The following ESR1 variants were observed in gnomAD, a reference collection of about 807,000 sequenced individuals.
ESR1 encodes estrogen receptor 1.
A neutral mutation model predicts 52.7 loss-of-function variants in ESR1; 12 were observed. The ratio of observed to expected loss-of-function variants is 0.23; its 90% confidence interval spans 0.15 to 0.37. The LOEUF (loss-of-function observed/expected upper bound fraction) is 0.37. ESR1 is among the 10% of genes least tolerant of loss of function. The pLI is 1.00. For missense variants in ESR1, 584 were observed against 779.7 expected, an observed-to-expected ratio of 0.75 and a Z score of 2.99; for synonymous variants, 305 against 316.8, an observed-to-expected ratio of 0.96 and a Z score of 0.39.
chr6:151,906,646 A>C (rs1797502460), intron 3 of ESR1, among the ~76,000 whole-genome samples: 1 of 150,474 alleles, frequency 6.6e-6, no homozygotes, highest in Non-Finnish European at 1.5e-5. Context: ...TCTTTTACAG[A>C]TATTTATATA....
intron 1 of ESR1, among the ~76,000 whole-genome samples, chr6:151,829,632 T>G (rs1782062533): frequency 6.6e-6 from 1 of 152,204 alleles, no homozygotes; most frequent in African/African-American, 2.4e-5. Flanking sequence ...TTTGCCCTCT[T>G]GGATGCAGTG....
chr6:151,689,530 A>G (rs751053043), upstream of ESR1, among the ~76,000 whole-genome samples: 211 of 152,260 alleles, frequency 1.4e-3, 1 homozygote, highest in Non-Finnish European at 2.2e-3. Context: ...AGTATAGAGA[A>G]GACTGAAGAC....
At chr6:151,899,453 C>T (rs1339003822) in intron 3 of ESR1, among the ~76,000 whole-genome samples, 1 of 142,274 alleles carries the variant, frequency 7.0e-6, no homozygotes, top group Non-Finnish European at 1.5e-5. Context: ...ACCTCCCGGA[C>T]TGGGCAGCTG....
Position 151,671,406 on chromosome 6 carries a change from C to T in ESR1, n.73+14643C>T, listed in dbSNP as rs117004137. Reference sequence around the variant, plus strand: ...CAACGTAGATGAACCTGGAGGACATCGTGCTAAGTGAAAGGAGCCAGGCAC... The same window carrying T: ...CAACGTAGATGAACCTGGAGGACATTGTGCTAAGTGAAAGGAGCCAGGCAC... On this transcript the variant is annotated intron_variant and non_coding_transcript_variant, in intron 1 of 2. Transcript: ENST00000473497. Among the ~76,000 whole-genome samples the T allele has an allele frequency of 2.9e-4, 44 of 152,218 alleles. 2 individuals carry two copies. The East Asian group carries it at 7.2e-3, about 25-fold the overall frequency.
intron 1 of ESR1, among the ~76,000 whole-genome samples, chr6:151,701,550 AAAG>A (rs934367084): frequency 0.017 from 2,516 of 148,380 alleles, 70 homozygotes; most frequent in African/African-American, 0.054. Context: ...AAAAAAAAAA[AAAG>A]AAGAAGAAGA....
intron 1 of ESR1, chr6:151,811,373 GA>G (rs1778811064): frequency 2.6e-5 from 4 of 152,240 alleles, no homozygotes; most frequent in African/African-American, 7.2e-5. Flanking sequence ...AACTAAAGAT[GA>G]AGCTTAACTA....
At chr6:152,089,648 G>A (rs1242271067) in intron 6 of ESR1, among the ~76,000 whole-genome samples, 12 of 151,974 alleles carry the variant, frequency 7.9e-5, no homozygotes, top group Non-Finnish European at 1.0e-4. Context: ...GTGCGATCTC[G>A]GCTCACTGCA....
At chr6:151,947,039 C>T (rs898640709) in intron 4 of ESR1, among the ~76,000 whole-genome samples, 2 of 152,094 alleles carry the variant, frequency 1.3e-5, no homozygotes, top group Non-Finnish European at 2.9e-5. Context: ...GGAAATAAGC[C>T]GGGCACAGTG....
intron 2 of ESR1, among the ~76,000 whole-genome samples, chr6:151,780,925 G>A (rs1786485399): frequency 6.6e-6 from 1 of 152,206 alleles, no homozygotes; most frequent in Non-Finnish European, 1.5e-5. Context: ...AAATCAAAAT[G>A]TAGTACAAAA....
At chr6:151,891,775 C>T (rs1794733695) in intron 3 of ESR1, among the ~76,000 whole-genome samples, 1 of 152,030 alleles carries the variant, frequency 6.6e-6, no homozygotes, top group Admixed American at 6.6e-5. Flanking sequence ...AAAACTGTGA[C>T]TTAGGAAATG....
At chr6:151,970,764 G>A (rs2038823392) in intron 4 of ESR1, among the ~76,000 whole-genome samples, 1 of 152,248 alleles carries the variant, frequency 6.6e-6, no homozygotes, top group Middle Eastern at 3.4e-3. Context: ...TCCTGTTCAA[G>A]ACAGTTTCCA....
intron 3 of ESR1, among the ~76,000 whole-genome samples, chr6:151,921,943 T>G (rs1462429462): frequency 1.3e-5 from 2 of 152,206 alleles, no homozygotes; most frequent in Admixed American, 6.5e-5. Flanking sequence ...TTAGTTTAAT[T>G]AGATCCCATT....
intron 1 of ESR1, among the ~76,000 whole-genome samples, chr6:151,660,647 A>G (rs1223837813): frequency 6.6e-6 from 1 of 152,196 alleles, no homozygotes; most frequent in Non-Finnish European, 1.5e-5. Context: ...TCTTTGGCTG[A>G]GTGGACAACA....
chr6:151,724,563 C>G (rs1331862555), intron 2 of ESR1, among the ~76,000 whole-genome samples: 3 of 149,886 alleles, frequency 2.0e-5, no homozygotes, highest in African/African-American at 4.9e-5. Flanking sequence ...CCTAGTCACA[C>G]ACCCAAACAA....
At chr6:152,082,497 G>A (rs2049312231) in intron 6 of ESR1, among the ~76,000 whole-genome samples, 1 of 152,114 alleles carries the variant, frequency 6.6e-6, no homozygotes, top group Non-Finnish European at 1.5e-5. Flanking sequence ...CAAACCCACA[G>A]CCAATATCAT....
At chr6:152,065,747 C>T (rs1345028930) in intron 6 of ESR1, among the ~76,000 whole-genome samples, 1 of 152,174 alleles carries the variant, frequency 6.6e-6, no homozygotes, top group Non-Finnish European at 1.5e-5. Flanking sequence ...CTTCTGTGTG[C>T]TGCTGGCTTC....
At chr6:152,076,329 G>A (rs528610744) in intron 6 of ESR1, among the ~76,000 whole-genome samples, 4 of 151,956 alleles carry the variant, frequency 2.6e-5, no homozygotes, top group South Asian at 4.2e-4. Flanking sequence ...AGTGCCTTTC[G>A]CCTCCCACCA....
chr6:152,052,859 T>G (rs184855842), intron 5 of ESR1, among the ~76,000 whole-genome samples: 4 of 151,966 alleles, frequency 2.6e-5, no homozygotes. Flanking sequence ...GCAGTATAAA[T>G]TGCAAGGTGG....
chr6:151,827,344 CAAAA>C (rs11407983), intron 1 of ESR1, among the ~76,000 whole-genome samples: 1 of 75,864 alleles, frequency 1.3e-5, no homozygotes, highest in Non-Finnish European at 3.0e-5. Flanking sequence ...GACCCTGTCT[CAAAA>C]AAAAAAAAAA....
Sources: gnomAD v4.1 joint callset for allele counts (sites outside exome capture counted in the v4.1 genomes callset) on GRCh38, gnomAD v4.1.1 for gene constraint, MANE v1.5 for transcripts, NCBI Gene and HGNC (gene_info 2026-07-23, HGNC 2026-07-21) for gene names.